Variants in ELL observed in about 807,000 individuals in gnomAD.
The protein encoded by ELL is elongation factor for RNA polymerase II, also known as RNA polymerase II elongation factor ELL.
ELL carries 18 observed loss-of-function variants against 64.0 expected under a neutral mutation model. That is an observed-to-expected ratio of 0.28 (90% confidence interval 0.19 to 0.42). ELL has a LOEUF of 0.42. Among genes scored for constraint, ELL ranks in the 10% least tolerant of loss-of-function variants. The pLI, the probability that ELL is intolerant of heterozygous loss-of-function variation, is 1.00. For missense variants in ELL, 797 were observed against 870.4 expected (o/e 0.92, Z 1.06); for synonymous variants, 399 against 376.2 (o/e 1.06, Z -0.70).
intron 2 of ELL, among the ~76,000 whole-genome samples, chr19:18,469,180 G>A (rs1975010934): frequency 6.6e-6 from 1 of 152,086 alleles, no homozygotes; most frequent in South Asian, 2.1e-4. Context: ...GACACACAGA[G>A]GGCATGGCGG....
At chr19:18,485,641 G>A (rs1360777964) in intron 1 of ELL, among the ~76,000 whole-genome samples, 1 of 152,186 alleles carries the variant, frequency 6.6e-6, no homozygotes, top group Non-Finnish European at 1.5e-5. Flanking sequence ...GGTGGTTGGA[G>A]GCAGAGGGTA....
intron 2 of ELL, among the ~76,000 whole-genome samples, chr19:18,466,692 C>A (rs1816971375): frequency 6.6e-6 from 1 of 152,208 alleles, no homozygotes; most frequent in African/African-American, 2.4e-5. Context: ...CAGGCTGACC[C>A]CAGACCCTCT....
At chr19:18,512,220 G>C (rs1001632555) in intron 1 of ELL, among the ~76,000 whole-genome samples, 14 of 152,192 alleles carry the variant, frequency 9.2e-5, no homozygotes, top group Admixed American at 9.2e-4. Context: ...AACTACTGGG[G>C]AGGCTGAGGT....
At chr19:18,484,596 C>T (rs1975372556) in intron 1 of ELL, among the ~76,000 whole-genome samples, 1 of 152,148 alleles carries the variant, frequency 6.6e-6, no homozygotes, top group Admixed American at 6.6e-5. Context: ...GCCATGGTTC[C>T]ACCACTGCAC....
At chr19:18,504,554 C>T (rs932699782) in intron 1 of ELL, among the ~76,000 whole-genome samples, 2 of 152,198 alleles carry the variant, frequency 1.3e-5, no homozygotes, top group African/African-American at 4.8e-5. Flanking sequence ...AGCAGTGATG[C>T]TCTCTGTCAT....
intron 1 of ELL, among the ~76,000 whole-genome samples, chr19:18,485,992 A>AG (rs1229152628): frequency 6.6e-6 from 1 of 151,758 alleles, no homozygotes; most frequent in East Asian, 1.9e-4. Context: ...TCTCAAAAAA[A>AG]AAAAAAAGAA....
At chr19:18,495,502 T>C (rs1342080582) in intron 1 of ELL, among the ~76,000 whole-genome samples, 1 of 152,180 alleles carries the variant, frequency 6.6e-6, no homozygotes, top group Admixed American at 6.5e-5. Flanking sequence ...GCAACTTCCT[T>C]GCTTCAGGCG....
intron 5 of ELL, among the ~76,000 whole-genome samples, 178 bp from the exon 6 acceptor site, chr19:18,458,507 C>T (rs1359974423): frequency 6.6e-6 from 1 of 152,070 alleles, no homozygotes; most frequent in Non-Finnish European, 1.5e-5. Flanking sequence ...ACCCCCAGTT[C>T]CCCCGCACAC....
chr19:18,509,598 TACACACACACACACACACAC>T (rs1183127480), intron 1 of ELL, among the ~76,000 whole-genome samples: 947 of 81,880 alleles, frequency 0.012, 21 homozygotes, highest in Non-Finnish European at 0.016. Flanking sequence ...CGCGCGCACA[TACACACACACACACACACAC>T]ACACACACAC....
chr19:18,519,149 T>C (rs1976197340), intron 1 of ELL, among the ~76,000 whole-genome samples: 2 of 150,280 alleles, frequency 1.3e-5, no homozygotes, highest in African/African-American at 4.9e-5. Flanking sequence ...GATCACAAAG[T>C]CAGGAGATCG....
At chr19:18,465,340 A>G in intron 4 of ELL, 72 bp downstream of exon 4, 2 of 1,518,422 alleles carry the variant, frequency 1.3e-6, no homozygotes, top group South Asian at 2.5e-5. Flanking sequence ...CCCAGCCTGG[A>G]CAGGCCCCAA....
At chr19:18,457,780 G>GGAGT (rs1600438042) in intron 6 of ELL, among the ~76,000 whole-genome samples, 1 of 152,156 alleles carries the variant, frequency 6.6e-6, no homozygotes, top group African/African-American at 2.4e-5. Flanking sequence ...TGCCCTGCCG[G>GGAGT]GAGTGTCGTT....
rs956067450 is a variant in ELL at position 18,465,863 on chromosome 19, T to G, written c.239A>C (p.Tyr80Ser). ...CPAEARTFSFYLSNIGRDNPQ... is the reference protein window; with the variant it reads ...CPAEARTFSFSLSNIGRDNPQ... Reference sequence around the variant, plus strand: ...GTTGTCGCGGCCGATGTTGGAGAGGTAGAAGGAGAACGTCCGCGCCTCTGC... The same window carrying G: ...GTTGTCGCGGCCGATGTTGGAGAGGGAGAAGGAGAACGTCCGCGCCTCTGC... The change falls in exon 3 of 12, where the codon TAC (tyrosine) becomes TCC (serine). Residue 80 changes from tyrosine to serine, a missense_variant. Transcript: ENST00000262809. 7.5e-7 allele frequency: 1 copy of G among 1,342,262 alleles called. No homozygotes were observed. 83.1% of individuals were successfully genotyped at this position (1,342,262 alleles called of 1,614,324 possible).
At chr19:18,479,138 C>T (rs1975239032) in intron 1 of ELL, among the ~76,000 whole-genome samples, 1 of 152,182 alleles carries the variant, frequency 6.6e-6, no homozygotes, top group African/African-American at 2.4e-5. Flanking sequence ...GGGCACGAGG[C>T]AATGTCTGGA....
intron 1 of ELL, chr19:18,475,926 G>A (rs1600465319): frequency 6.6e-6 from 1 of 152,190 alleles, no homozygotes; most frequent in Non-Finnish European, 1.5e-5. Flanking sequence ...ACACACACAC[G>A]GCGAGTTCTG....
At chr19:18,455,827 G>A (rs78061871) in intron 6 of ELL, among the ~76,000 whole-genome samples, 31,238 of 151,012 alleles carry the variant, frequency 0.21, 3,839 homozygotes, top group African/African-American at 0.34. Context: ...AGCTGGGCGC[G>A]GTGGCTCACG....
rs774423152 is a variant in ELL at position 18,446,392 on chromosome 19, C to T, written c.1621G>A (p.Ala541Thr). ...CGCCGCGTGATGCGCTCAATGCGGG[C>T]GTGCAGGTCGCGGTACTCGCTGTAC... is the stretch of plus-strand genomic sequence containing the variant. ...AEYSEYRDLH[A>T]RIERITRRFT... Residue 541 changes from alanine (A) to threonine (T), a missense_variant, in exon 10 of 12, where the codon GCC becomes ACC. Physicochemically the swap from Ala to Thr is moderately conservative, Grantham distance 58 (BLOSUM62 0). Transcript: ENST00000262809. The T allele has an allele frequency of 2.0e-5, 33 of 1,611,688 alleles. No homozygotes were observed. Among genetic ancestry groups the T allele is most frequent in the South Asian group, 7.7e-5 (7 of 90,680 alleles).
chr19:18,482,243 T>A (rs1009181857), intron 1 of ELL, among the ~76,000 whole-genome samples: 3 of 150,716 alleles, frequency 2.0e-5, no homozygotes, highest in Admixed American at 1.3e-4. Flanking sequence ...TTTTTTTTTA[T>A]ATACAAGAGC....
intron 2 of ELL, among the ~76,000 whole-genome samples, chr19:18,469,358 C>T (rs756896631): frequency 6.6e-6 from 1 of 152,182 alleles, no homozygotes; most frequent in Admixed American, 6.5e-5. Context: ...GTTACCAGCC[C>T]GGGACCGTGG....
Sources: gnomAD v4.1 joint callset for allele counts (sites outside exome capture counted in the v4.1 genomes callset) on GRCh38, gnomAD v4.1.1 for gene constraint, MANE v1.5 for transcripts, NCBI Gene and HGNC (gene_info 2026-07-23, HGNC 2026-07-21) for gene names.